CSMD1: variants seen among roughly 807,000 people sequenced by gnomAD.
CSMD1 encodes the protein CUB and Sushi multiple domains 1.
Under a neutral mutation model 417.5 loss-of-function variants are expected in CSMD1, and 213 were observed. That is an observed-to-expected ratio of 0.51 (90% CI 0.46 to 0.57). CSMD1 has a LOEUF of 0.57. Among genes scored for constraint, CSMD1 ranks in the 20% least tolerant of loss-of-function variants. The pLI, the probability that CSMD1 is intolerant of heterozygous loss-of-function variation, is 0.00. For synonymous variants in CSMD1, 2,862 were observed against 1,736.8 expected (o/e 1.65, Z -16.11); for missense variants, 6,923 against 4,529.7 (o/e 1.53, Z -15.17).
chr8:4,837,829 G>C (rs1440964908), intron 1 of CSMD1, among the ~76,000 whole-genome samples: 5 of 151,992 alleles, frequency 3.3e-5, no homozygotes, highest in South Asian at 4.2e-4. Context: ...GCACTTATTT[G>C]ATATAGCATG....
chr8:3,758,196 T>G lies in CSMD1; in HGVS notation c.819-4154A>C, dbSNP rs1240850539. Among the ~76,000 whole-genome samples the G allele has an allele frequency of 2.6e-5, 4 of 152,110 alleles. No individual in the cohort carries two copies. The East Asian group carries it at 5.8e-4, about 22-fold the overall frequency. ...CCAGGCTGGTCTCAAACTCCTGACC[T>G]CAGGTGATCCAACCCCATCATCTTC... On this transcript the variant is annotated intron_variant, in intron 5 of 69. Coordinates refer to ENST00000635120, the MANE Select transcript of CSMD1 (RefSeq NM_033225.6).
rs771529093 is a variant in CSMD1, at chr8:3,667,706, A to G, written c.1009+40708T>C. ...ATGGTGATGACTGAATTGAGCTGTT[A>G]GAGGATTAGTAGTTACTCATTAGAG... On this transcript the variant is annotated intron_variant, in intron 7 of 69. Coordinates refer to ENST00000635120, the MANE Select transcript of CSMD1 (RefSeq NM_033225.6). Among the ~76,000 whole-genome samples, 17 of 152,210 alleles carry G rather than the reference A, an allele frequency of 1.1e-4. 1 individual carries two copies. The highest frequency in any genetic ancestry group is 2.5e-4 in the Non-Finnish European group (17 of 68,054).
At chr8:3,891,240 G>C (rs749311243) in intron 5 of CSMD1, among the ~76,000 whole-genome samples, 1 of 151,856 alleles carries the variant, frequency 6.6e-6, no homozygotes, top group African/African-American at 2.4e-5. Context: ...GTAAAGATGG[G>C]TTTTTGCCAT....
At chr8:4,462,324 A>T (rs369486167) in intron 2 of CSMD1, among the ~76,000 whole-genome samples, 3 of 152,194 alleles carry the variant, frequency 2.0e-5, no homozygotes, top group Non-Finnish European at 2.9e-5. Context: ...TCCAAAAACT[A>T]TAAGTGTTTA....
intron 1 of CSMD1, among the ~76,000 whole-genome samples, chr8:4,681,150 T>C (rs1305647528): frequency 6.6e-6 from 1 of 152,232 alleles, no homozygotes; most frequent in Non-Finnish European, 1.5e-5. Context: ...TAGGCATGAA[T>C]GGCCAACAAT....
chr8:3,771,848 G>C (rs1236137677), intron 5 of CSMD1, among the ~76,000 whole-genome samples: 2 of 152,028 alleles, frequency 1.3e-5, no homozygotes, highest in East Asian at 3.9e-4. Context: ...CTCACTCCTT[G>C]TCCTTGCTTT....
chr8:4,226,334 C>G (rs995153296), intron 3 of CSMD1, among the ~76,000 whole-genome samples: 14 of 152,156 alleles, frequency 9.2e-5, no homozygotes, highest in Non-Finnish European at 7.3e-5. Flanking sequence ...ATCAAATACT[C>G]TACTTAAAAA....
chr8:3,298,879 T>C (rs1412465587), intron 25 of CSMD1, among the ~76,000 whole-genome samples: 1 of 152,198 alleles, frequency 6.6e-6, no homozygotes, highest in Non-Finnish European at 1.5e-5. Flanking sequence ...ATTTTCCCTT[T>C]CTTTATCTGA....
At chr8:4,249,095 C>T (rs1373958760) in intron 3 of CSMD1, among the ~76,000 whole-genome samples, 1 of 152,206 alleles carries the variant, frequency 6.6e-6, no homozygotes, top group South Asian at 2.1e-4. Context: ...ATCACCACTA[C>T]AGACTTCTCA....
At chr8:4,039,278 T>G (rs1797768922) in intron 3 of CSMD1, among the ~76,000 whole-genome samples, 1 of 152,160 alleles carries the variant, frequency 6.6e-6, no homozygotes, top group Admixed American at 6.5e-5. Flanking sequence ...AACTCCAAAT[T>G]CCTTCATGAT....
At chr8:3,866,540 T>C (rs1336572243) in intron 5 of CSMD1, among the ~76,000 whole-genome samples, 1 of 152,190 alleles carries the variant, frequency 6.6e-6, no homozygotes, top group African/African-American at 2.4e-5. Context: ...TACGTTTTGG[T>C]CTTTAAATGA....
At chr8:4,856,168 T>C (rs1801788331) in intron 1 of CSMD1, among the ~76,000 whole-genome samples, 1 of 145,722 alleles carries the variant, frequency 6.9e-6, no homozygotes, top group South Asian at 2.2e-4. Context: ...CAAACTAAGC[T>C]TCATAAGTGA....
intron 3 of CSMD1, among the ~76,000 whole-genome samples, chr8:4,375,131 C>T (rs889027996): frequency 6.6e-6 from 1 of 152,014 alleles, no homozygotes; most frequent in African/African-American, 2.4e-5. Context: ...AAAATGGCAA[C>T]TGTAGATAGG....
At chr8:3,498,095 T>A (rs984657598) in intron 10 of CSMD1, among the ~76,000 whole-genome samples, 1 of 152,202 alleles carries the variant, frequency 6.6e-6, no homozygotes, top group Non-Finnish European at 1.5e-5. Flanking sequence ...TTTCTTCTTC[T>A]TTTTTCTTTC....
intron 11 of CSMD1, among the ~76,000 whole-genome samples, chr8:3,471,862 G>A (rs1015487877): frequency 6.6e-6 from 1 of 152,136 alleles, no homozygotes; most frequent in Non-Finnish European, 1.5e-5. Flanking sequence ...AAAGAAGAAT[G>A]TGGGCATAGC....
intron 11 of CSMD1, 53 bp from the exon 12 acceptor site, chr8:3,468,877 C>G (rs1816930793): frequency 8.3e-7 from 1 of 1,198,072 alleles, no homozygotes; most frequent in Non-Finnish European, 1.2e-6. Flanking sequence ...AGTACATCGA[C>G]TTCCACCTGA....
chr8:4,909,825 T>A (rs143522269), intron 1 of CSMD1, among the ~76,000 whole-genome samples: 1 of 152,178 alleles, frequency 6.6e-6, no homozygotes, highest in Non-Finnish European at 1.5e-5. Context: ...CATTTCCAGG[T>A]GGCAATTTAA....
chr8:3,981,837 G>T (rs1334474375), intron 5 of CSMD1, among the ~76,000 whole-genome samples: 5 of 152,112 alleles, frequency 3.3e-5, no homozygotes, highest in African/African-American at 4.8e-5. Context: ...TCAGCAGGAG[G>T]GCGTGCACTT....
chr8:3,518,233 A>G (rs538749023), intron 10 of CSMD1, among the ~76,000 whole-genome samples: 2 of 152,150 alleles, frequency 1.3e-5, no homozygotes, highest in African/African-American at 2.4e-5. Context: ...TGTAGTTTTA[A>G]TTTTCCTTCA....
Sources: allele counts gnomAD v4.1 joint callset (sites outside exome capture counted in the v4.1 genomes callset), GRCh38; gene constraint gnomAD v4.1.1; transcripts MANE v1.5; gene names NCBI Gene and HGNC (gene_info 2026-07-23, HGNC 2026-07-21).